Variants in MACC1 observed in about 807,000 individuals in gnomAD.
MACC1 encodes MET transcriptional regulator MACC1.
MACC1 carries 79 observed loss-of-function variants against 70.7 expected under a neutral mutation model. The ratio of observed to expected loss-of-function variants is 1.12; its 90% CI spans 0.93 to 1.35. The LOEUF is 1.35. Among genes scored for constraint, MACC1 ranks in the 40% most tolerant of loss-of-function variants. The pLI is 0.00. For missense variants in MACC1, 1,106 were observed against 978.1 expected, an observed-to-expected ratio of 1.13 and a Z score of -1.74; for synonymous variants, 361 against 347.2, an observed-to-expected ratio of 1.04 and a Z score of -0.44.
intron 1 of MACC1, among the ~76,000 whole-genome samples, chr7:20,171,402 C>T (rs1283308718): frequency 6.6e-6 from 1 of 151,820 alleles, no homozygotes; most frequent in African/African-American, 2.4e-5. Context: ...CACGTGCCCG[C>T]CACCACGCCC....
At chr7:20,201,202 T>C (rs957985434) in intron 1 of MACC1, among the ~76,000 whole-genome samples, 1 of 152,132 alleles carries the variant, frequency 6.6e-6, no homozygotes, top group Admixed American at 6.5e-5. Flanking sequence ...AGCAGGATCA[T>C]GCAATACAAG....
chr7:20,159,565 A>C lies in MACC1; in HGVS notation c.796T>G (p.Ser266Ala), dbSNP rs779096864. The change falls in exon 5 of 7, where the codon TCG (serine) becomes GCG (alanine). Residue 266 changes from serine to alanine, a missense_variant. Ser to Ala is a moderately conservative substitution (Grantham distance 99, BLOSUM62 1). Coordinates refer to ENST00000400331, the MANE Select transcript of MACC1 (RefSeq NM_182762.4). ...DPPHMLNHDL[S>A]CTVSPLLEIM... ...TCCAACAACGGGCTCACAGTGCACG[A>C]AAGATCATGGTTAAGCATGTGTGGC... 6.2e-7 allele frequency: 1 copy of C among 1,614,156 alleles called. No homozygotes were observed. Among genetic ancestry groups the C allele is most frequent in the Non-Finnish European group, 8.5e-7 (1 of 1,180,016 alleles).
At chr7:20,189,379 G>C (rs1782638523) in intron 1 of MACC1, among the ~76,000 whole-genome samples, 1 of 152,164 alleles carries the variant, frequency 6.6e-6, no homozygotes, top group African/African-American at 2.4e-5. Context: ...GAGCTTAGAA[G>C]AGTTTCTAGC....
At chr7:20,208,379 AC>A (rs1782945318) in intron 1 of MACC1, among the ~76,000 whole-genome samples, 1 of 152,306 alleles carries the variant, frequency 6.6e-6, no homozygotes. Context: ...AATGGCTTTG[AC>A]AAAAATGCTG....
chr7:20,198,977 C>T (rs1445848886), intron 1 of MACC1, among the ~76,000 whole-genome samples: 3 of 152,192 alleles, frequency 2.0e-5, no homozygotes, highest in Non-Finnish European at 4.4e-5. Context: ...TTACAAAATA[C>T]TTCTCAAAAT....
intron 2 of MACC1, among the ~76,000 whole-genome samples, chr7:20,169,085 T>C (rs1422824984): frequency 1.3e-5 from 2 of 152,226 alleles, no homozygotes; most frequent in African/African-American, 4.8e-5. Flanking sequence ...CACAAGAGCA[T>C]ACATTTCCAA....
rs6944126 is a variant in MACC1, at chr7:20,140,669, A to G, written c.*277T>C. ...GCAGCCTAATACTTGTATTTGAAACATACACAAAAATACATATTTGAGGAT... is the reference window on the plus strand; with the variant it reads ...GCAGCCTAATACTTGTATTTGAAACGTACACAAAAATACATATTTGAGGAT... On this transcript the variant is annotated 3_prime_UTR_variant, in exon 7 of 7. Transcript: ENST00000400331. 1,742 of 324,238 alleles carry G rather than the reference A, an allele frequency of 5.4e-3. 33 individuals carry two copies. Among genetic ancestry groups the G allele is most frequent in the African/African-American group, 0.034 (1,617 of 47,392 alleles). 20.1% of individuals were successfully genotyped at this position (324,238 alleles called of 1,614,324 possible). A position where few individuals can be genotyped will look rare whatever the true frequency, so the allele number is the denominator to read the frequency against.
At chr7:20,200,840 A>G (rs1434777361) in intron 1 of MACC1, among the ~76,000 whole-genome samples, 1 of 152,150 alleles carries the variant, frequency 6.6e-6, no homozygotes, top group Non-Finnish European at 1.5e-5. Context: ...CCTGAGTACC[A>G]TACACTGGCC....
chr7:20,173,379 A>G (rs1309304549), intron 1 of MACC1, among the ~76,000 whole-genome samples: 2 of 152,224 alleles, frequency 1.3e-5, no homozygotes, highest in Admixed American at 6.5e-5. Context: ...TTCTTGGGGC[A>G]TGGCCCTTTC....
intron 1 of MACC1, among the ~76,000 whole-genome samples, chr7:20,196,409 T>C (rs1782754345): frequency 6.6e-6 from 1 of 152,098 alleles, no homozygotes; most frequent in Non-Finnish European, 1.5e-5. Context: ...CTCAATCTCC[T>C]GACCTTGTGA....
intron 6 of MACC1, among the ~76,000 whole-genome samples, chr7:20,152,705 A>G (rs979694756): frequency 1.3e-5 from 2 of 152,188 alleles, no homozygotes; most frequent in African/African-American, 4.8e-5. Flanking sequence ...TAAATAATGG[A>G]AAAGTGGGTG....
intron 1 of MACC1, among the ~76,000 whole-genome samples, chr7:20,186,793 C>A (rs879075776): frequency 6.6e-6 from 1 of 152,052 alleles, no homozygotes; most frequent in African/African-American, 2.4e-5. Flanking sequence ...GTATAAATAA[C>A]CTGTAATGTA....
In MACC1 at chr7:20,158,306, T is replaced by C; in HGVS notation, c.2055A>G (p.Gln685=). The change falls in exon 5 of 7, where the codon CAA becomes CAG. Residue 685 remains glutamine, a synonymous_variant. Coordinates refer to ENST00000400331, the MANE Select transcript of MACC1 (RefSeq NM_182762.4). ...AAACTTTCTCTGATTCTTTGTCTGC[T>C]TGAATTTGATCAAAATCTTCCAGGG... ...HLSLEDFDQI[Q]ADKESEKVSY... 1 of 1,613,698 alleles carries C rather than the reference T, an allele frequency of 6.2e-7. No homozygotes were observed. Among genetic ancestry groups the C allele is most frequent in the Non-Finnish European group, 8.5e-7 (1 of 1,179,964 alleles).
At position 20,158,961 on chromosome 7, in the gene MACC1, T is replaced by G; in HGVS notation, c.1400A>C (p.His467Pro). 6.2e-7 allele frequency: 1 copy of G among 1,614,048 alleles called. No homozygotes were observed. The highest frequency in any genetic ancestry group is 1.1e-5 in the South Asian group (1 of 91,054). Reference sequence around the variant, plus strand: ...AACTAAAGAAAATAAAAATTGTTGATGAACTACTTCACCTGCTTCCAACTG... The same window carrying G: ...AACTAAAGAAAATAAAAATTGTTGAGGAACTACTTCACCTGCTTCCAACTG... ...QKQLEAGEVV[H>P]QQFLFSLVEH... Residue 467 changes from histidine (H) to proline (P), a missense_variant, in exon 5 of 7, where the codon CAT becomes CCT. Transcript: ENST00000400331.
intron 1 of MACC1, among the ~76,000 whole-genome samples, chr7:20,186,047 AG>A (rs11354376): frequency 0.47 from 70,940 of 152,032 alleles, 17,451 homozygotes; most frequent in East Asian, 0.86. Flanking sequence ...AGCCTTGAGT[AG>A]GCTCTTCTGA....
In MACC1 at chr7:20,137,928, G is replaced by A. The variant is rs1781739337; in HGVS notation, c.*3018C>T. On this transcript the variant is annotated 3_prime_UTR_variant, in exon 7 of 7. Coordinates refer to ENST00000400331, the MANE Select transcript of MACC1 (RefSeq NM_182762.4). The stretch of plus-strand genomic sequence containing the variant: ...AGCACTCTGGGAGGCCGAGGCAGGT[G>A]GATGACCTGAGGTCAGGAGTTCCAG... 6.6e-6 allele frequency: 1 copy of A among 152,118 alleles called. No homozygotes were observed. The highest frequency in any genetic ancestry group is 2.4e-5 in the African/African-American group (1 of 41,422). 9.4% of individuals were successfully genotyped at this position (152,118 alleles called of 1,614,324 possible). A position where few individuals can be genotyped will look rare whatever the true frequency, so the allele number is the denominator to read the frequency against.
At chr7:20,171,496 C>T (rs1012433684) in intron 1 of MACC1, among the ~76,000 whole-genome samples, 4 of 151,782 alleles carry the variant, frequency 2.6e-5, no homozygotes, top group Admixed American at 1.3e-4. Flanking sequence ...CCTTGTGATC[C>T]GCCTGCCTCG....
At chr7:20,176,444 T>C (rs1328479358) in intron 1 of MACC1, among the ~76,000 whole-genome samples, 2 of 152,120 alleles carry the variant, frequency 1.3e-5, no homozygotes, top group South Asian at 2.1e-4. Flanking sequence ...AAAGCCTGTA[T>C]TACTAATCAT....
chr7:20,173,440 G>A (rs1267478337), intron 1 of MACC1, among the ~76,000 whole-genome samples: 1 of 152,042 alleles, frequency 6.6e-6, no homozygotes, highest in Non-Finnish European at 1.5e-5. Context: ...CAGGTTTTAG[G>A]GACAAATTCT....
Sources: allele counts gnomAD v4.1 joint callset (sites outside exome capture counted in the v4.1 genomes callset), GRCh38; gene constraint gnomAD v4.1.1; transcripts MANE v1.5; gene names NCBI Gene and HGNC (gene_info 2026-07-23, HGNC 2026-07-21).